The following PLD5 variants were observed in gnomAD, a reference collection of about 807,000 sequenced individuals.
PLD5 encodes inactive phospholipase D5.
In PLD5, 36 loss-of-function variants were observed where a neutral mutation model predicts 61.1. That is an observed-to-expected ratio of 0.59 (90% CI 0.45 to 0.78). PLD5 has a LOEUF of 0.78. Ranked by LOEUF, PLD5 falls within the 30% of genes least tolerant of loss-of-function variation. The pLI is 0.00. For missense variants in PLD5, 515 were observed against 644.4 expected, an observed-to-expected ratio of 0.80 and a Z score of 2.17; for synonymous variants, 243 against 242.8, an observed-to-expected ratio of 1.00 and a Z score of -0.01.
chr1:242,274,179 G>A (rs71650663), intron 3 of PLD5, among the ~76,000 whole-genome samples: 1 of 152,272 alleles, frequency 6.6e-6, no homozygotes, highest in East Asian at 1.9e-4. Flanking sequence ...ATACTACAAA[G>A]TTAATAAGAA....
chr1:242,146,262 T>C (rs758393713), intron 5 of PLD5, among the ~76,000 whole-genome samples: 22 of 152,182 alleles, frequency 1.4e-4, no homozygotes, highest in Non-Finnish European at 2.5e-4. Flanking sequence ...ACATTTCTCT[T>C]CACTCAGTTT....
At chr1:242,282,251 T>G (rs1316253394) in intron 3 of PLD5, among the ~76,000 whole-genome samples, 1 of 152,334 alleles carries the variant, frequency 6.6e-6, no homozygotes, top group East Asian at 1.9e-4. Context: ...CGCCCTGATT[T>G]TGCTATTGAG....
At chr1:242,482,826 C>T (rs951218843) in intron 1 of PLD5, among the ~76,000 whole-genome samples, 1 of 152,224 alleles carries the variant, frequency 6.6e-6, no homozygotes, top group African/African-American at 2.4e-5. Context: ...GTGTTACCCA[C>T]AAAGGGAAGC....
chr1:242,163,244 T>C (rs316847), intron 5 of PLD5, among the ~76,000 whole-genome samples: 125,419 of 150,674 alleles, frequency 0.83, 52,512 homozygotes, highest in South Asian at 0.94. Flanking sequence ...CCCGGGTTCA[T>C]GCCATTCTCC....
At chr1:242,135,695 C>T (rs1663663459) in intron 5 of PLD5, among the ~76,000 whole-genome samples, 1 of 152,050 alleles carries the variant, frequency 6.6e-6, no homozygotes, top group African/African-American at 2.4e-5. Context: ...AAATACAATC[C>T]AGGGTCATGA....
chr1:242,323,340 C>T (rs1574732129), intron 2 of PLD5, among the ~76,000 whole-genome samples: 1 of 152,082 alleles, frequency 6.6e-6, no homozygotes, highest in African/African-American at 2.4e-5. Flanking sequence ...CAGTTATTTT[C>T]ATTACCCTCC....
intron 2 of PLD5, among the ~76,000 whole-genome samples, chr1:242,290,531 T>C (rs1173825843): frequency 6.6e-6 from 1 of 152,060 alleles, no homozygotes; most frequent in Non-Finnish European, 1.5e-5. Flanking sequence ...TTTTGTCGCA[T>C]TTGGGAGCAA....
intron 1 of PLD5, among the ~76,000 whole-genome samples, chr1:242,401,692 C>T (rs1663942708): frequency 6.6e-6 from 1 of 152,188 alleles, no homozygotes; most frequent in African/African-American, 2.4e-5. Flanking sequence ...GATCTCTGCT[C>T]AAATGTCACC....
intron 1 of PLD5, among the ~76,000 whole-genome samples, chr1:242,465,135 T>C (rs1447102838): frequency 1.3e-5 from 2 of 152,228 alleles, no homozygotes; most frequent in Non-Finnish European, 2.9e-5. Flanking sequence ...AATGGCTCAT[T>C]TTAGGCTACA....
At chr1:242,231,798 G>A (rs1437969613) in intron 4 of PLD5, among the ~76,000 whole-genome samples, 1 of 152,080 alleles carries the variant, frequency 6.6e-6, no homozygotes, top group Non-Finnish European at 1.5e-5. Flanking sequence ...ATGTTTAAAA[G>A]GAATAATTTA....
chr1:242,490,130 C>T (rs962383009), intron 1 of PLD5, among the ~76,000 whole-genome samples: 1 of 152,192 alleles, frequency 6.6e-6, no homozygotes, highest in Non-Finnish European at 1.5e-5. Context: ...GTTCTGATGC[C>T]TCAATGCCCA....
At chr1:242,458,125 A>G (rs1226858567) in intron 1 of PLD5, among the ~76,000 whole-genome samples, 1 of 152,180 alleles carries the variant, frequency 6.6e-6, no homozygotes, top group African/African-American at 2.4e-5. Flanking sequence ...CGGGGCTCTC[A>G]TTAAAACCTC....
chr1:242,402,396 A>G (rs2149279456), intron 1 of PLD5, among the ~76,000 whole-genome samples: 1 of 152,342 alleles, frequency 6.6e-6, no homozygotes, highest in African/African-American at 2.4e-5. Context: ...AAAAACATGG[A>G]AAAATAAAGA....
chr1:242,488,709 C>T lies in PLD5; in HGVS notation c.189+35379G>A, dbSNP rs185282223. 9.2e-5 allele frequency among the ~76,000 whole-genome samples: 14 copies of T among 152,202 alleles called. No individual in the cohort carries two copies. In the East Asian group the frequency reaches 2.3e-3, roughly 25 times the overall value. On this transcript the variant is annotated intron_variant, in intron 1 of 9. Transcript: ENST00000536534. ...CCCATGAAATGTACAACACAATCAGCGAACCTTAATGTAAACTATGGACTT... is the reference window on the plus strand; with the variant it reads ...CCCATGAAATGTACAACACAATCAGTGAACCTTAATGTAAACTATGGACTT...
At chr1:242,465,791 A>G (rs113385860) in intron 1 of PLD5, among the ~76,000 whole-genome samples, 8,715 of 152,276 alleles carry the variant, frequency 0.057, 287 homozygotes, top group African/African-American at 0.065. Context: ...TTAGCCAGGC[A>G]TGGTGGCGGA....
At chr1:242,165,520 T>C (rs951983917) in intron 5 of PLD5, among the ~76,000 whole-genome samples, 2 of 151,236 alleles carry the variant, frequency 1.3e-5, no homozygotes, top group African/African-American at 2.4e-5. Context: ...AAAGCATGTC[T>C]CAAACCTTCA....
chr1:242,272,317 T>C lies in PLD5; in HGVS notation c.496-6869A>G, dbSNP rs552651850. On this transcript the variant is annotated intron_variant, in intron 3 of 9. Transcript: ENST00000536534. ...ACTATCACAATGTAATACTTCAAAA[T>C]ATATTTCTCAAAATTGGGCAGATCT... 1.2e-4 allele frequency among the ~76,000 whole-genome samples: 18 copies of C among 152,236 alleles called. No individual in the cohort carries two copies. In the East Asian group the frequency reaches 1.5e-3, roughly 13 times the overall value.
chr1:242,234,929 A>T (rs996321255), intron 4 of PLD5, among the ~76,000 whole-genome samples: 3 of 152,034 alleles, frequency 2.0e-5, no homozygotes, highest in African/African-American at 7.2e-5. Context: ...TCCTAGTTCG[A>T]ATGTTGCTTA....
intron 2 of PLD5, among the ~76,000 whole-genome samples, chr1:242,293,138 T>C (rs1379686094): frequency 6.6e-6 from 1 of 152,214 alleles, no homozygotes; most frequent in East Asian, 1.9e-4. Flanking sequence ...AAGAGAGATT[T>C]CTTTAAAAAA....
Sources: allele counts gnomAD v4.1 joint callset (sites outside exome capture counted in the v4.1 genomes callset), GRCh38; gene constraint gnomAD v4.1.1; transcripts MANE v1.5; gene names NCBI Gene and HGNC (gene_info 2026-07-23, HGNC 2026-07-21).